The following ZCCHC7 variants were observed in gnomAD, a reference collection of about 807,000 sequenced individuals.
ZCCHC7 encodes zinc finger CCHC-type containing 7.
ZCCHC7 carries 35 observed loss-of-function variants against 52.0 expected under a neutral mutation model. That is an observed-to-expected ratio of 0.67 (90% CI 0.51 to 0.89). The LOEUF (loss-of-function observed/expected upper bound fraction) is 0.89, where lower values mean the gene tolerates loss of function less well. ZCCHC7 is among the 40% of genes least tolerant of loss of function. ZCCHC7 has a pLI of 0.00. For synonymous variants in ZCCHC7, 217 were observed against 221.5 expected (o/e 0.98, Z 0.18); for missense variants, 574 against 649.1 (o/e 0.88, Z 1.26).
At chr9:37,282,774 G>A (rs1236326982) in intron 2 of ZCCHC7, among the ~76,000 whole-genome samples, 1 of 151,144 alleles carries the variant, frequency 6.6e-6, no homozygotes, top group Admixed American at 6.6e-5. Flanking sequence ...GGAAGCATCA[G>A]TGAGCCATGT....
At chr9:37,275,243 T>C (rs1827625449) in intron 2 of ZCCHC7, among the ~76,000 whole-genome samples, 1 of 152,174 alleles carries the variant, frequency 6.6e-6, no homozygotes, top group East Asian at 1.9e-4. Context: ...TCCTGACTTT[T>C]GTGGCAGTAC....
intron 2 of ZCCHC7, among the ~76,000 whole-genome samples, chr9:37,222,186 A>G (rs1824848615): frequency 6.6e-6 from 1 of 151,980 alleles, no homozygotes; most frequent in South Asian, 2.1e-4. Context: ...ATTTGTCTGA[A>G]AAATTACTGG....
chr9:37,323,989 G>A (rs1321766819), intron 5 of ZCCHC7, among the ~76,000 whole-genome samples: 1 of 152,152 alleles, frequency 6.6e-6, no homozygotes, highest in Non-Finnish European at 1.5e-5. Context: ...TGTGCATATG[G>A]AACAGTTAAG....
chr9:37,143,413 TAG>T (rs1843313274), intron 2 of ZCCHC7, among the ~76,000 whole-genome samples: 1 of 151,876 alleles, frequency 6.6e-6, no homozygotes, highest in African/African-American at 2.4e-5. Context: ...GGCTCTGCAT[TAG>T]AGTTTTAAAT....
intron 2 of ZCCHC7, among the ~76,000 whole-genome samples, chr9:37,181,524 A>G (rs1026036098): frequency 6.6e-6 from 1 of 152,230 alleles, no homozygotes; most frequent in Non-Finnish European, 1.5e-5. Context: ...TTAAAATGGA[A>G]TATTATTCAG....
intron 2 of ZCCHC7, among the ~76,000 whole-genome samples, chr9:37,260,969 G>T (rs1180691717): frequency 6.6e-6 from 1 of 152,018 alleles, no homozygotes; most frequent in Non-Finnish European, 1.5e-5. Context: ...TATTATTTCT[G>T]ATCTTTTTTT....
Position 37,305,695 on chromosome 9 carries a change from T to A in ZCCHC7, c.932T>A (p.Met311Lys). The change falls in exon 5 of 9, where the codon ATG becomes AAG. Residue 311 changes from methionine (M) to lysine (K), a missense_variant. Met to Lys is a moderately conservative substitution (Grantham distance 95). Coordinates refer to ENST00000336755, the MANE Select transcript of ZCCHC7 (RefSeq NM_032226.3). ...GATAAACAGTGTGACCGATGTCATA[T>A]GCTAGGCCACTATACAGATGTGAGT... is the stretch of plus-strand genomic sequence containing the variant. ...SWDKQCDRCHMLGHYTDACTE... is the reference protein window; with the variant it reads ...SWDKQCDRCHKLGHYTDACTE... 3.7e-6 allele frequency: 6 copies of A among 1,614,162 alleles called. No individual in the cohort carries two copies. The highest frequency in any genetic ancestry group is 1.3e-5 in the African/African-American group (1 of 75,048).
chr9:37,300,013 C>T (rs979660521), intron 2 of ZCCHC7, among the ~76,000 whole-genome samples: 1 of 152,122 alleles, frequency 6.6e-6, no homozygotes, highest in Non-Finnish European at 1.5e-5. Context: ...ACAGGGCTGA[C>T]GGGAACTTGA....
intron 5 of ZCCHC7, among the ~76,000 whole-genome samples, chr9:37,307,317 A>G (rs977082550): frequency 2.0e-5 from 3 of 152,142 alleles, no homozygotes; most frequent in African/African-American, 7.2e-5. Flanking sequence ...AGTTTACCCT[A>G]ATTCCTAATG....
At chr9:37,178,352 C>T (rs936586182) in intron 2 of ZCCHC7, among the ~76,000 whole-genome samples, 2 of 148,774 alleles carry the variant, frequency 1.3e-5, no homozygotes, top group African/African-American at 5.0e-5. Flanking sequence ...ACCATTTGTA[C>T]CCCCACCTCC....
At chr9:37,293,525 T>A (rs1324429336) in intron 2 of ZCCHC7, among the ~76,000 whole-genome samples, 1 of 152,144 alleles carries the variant, frequency 6.6e-6, no homozygotes, top group Admixed American at 6.5e-5. Flanking sequence ...ATTTTACAGA[T>A]ATTGTAAATA....
At position 37,256,519 on chromosome 9, in the gene ZCCHC7, A is replaced by C. The variant is rs1041552668; in HGVS notation, c.611-45669A>C. On this transcript the variant is annotated intron_variant, in intron 2 of 8. Coordinates refer to ENST00000336755, the MANE Select transcript of ZCCHC7 (RefSeq NM_032226.3). ...ATAATATTCTATATGTTATTTCTACATGCCTGTAGTTTTTTTAAAAAGCTA... is the reference window on the plus strand; with the variant it reads ...ATAATATTCTATATGTTATTTCTACCTGCCTGTAGTTTTTTTAAAAAGCTA... 2.0e-4 allele frequency among the ~76,000 whole-genome samples: 30 copies of C among 152,190 alleles called. 1 individual carries two copies. Among genetic ancestry groups the C allele is most frequent in the Admixed American group, 1.9e-3 (29 of 15,266 alleles).
At chr9:37,323,638 G>A (rs892611753) in intron 5 of ZCCHC7, among the ~76,000 whole-genome samples, 1 of 152,056 alleles carries the variant, frequency 6.6e-6, no homozygotes, top group African/African-American at 2.4e-5. Context: ...AGTATAATAA[G>A]CATTATTAAG....
chr9:37,337,207 A>T (rs1830711749), intron 6 of ZCCHC7, among the ~76,000 whole-genome samples: 1 of 152,238 alleles, frequency 6.6e-6, no homozygotes, highest in Non-Finnish European at 1.5e-5. Flanking sequence ...AACAGCACTA[A>T]AGAGTTTATC....
At chr9:37,189,357 T>C (rs1010171615) in intron 2 of ZCCHC7, among the ~76,000 whole-genome samples, 2 of 152,154 alleles carry the variant, frequency 1.3e-5, no homozygotes, top group African/African-American at 4.8e-5. Flanking sequence ...TGAGACCTTT[T>C]GTCTTGGTTT....
intron 5 of ZCCHC7, among the ~76,000 whole-genome samples, 191 bp downstream of exon 5, chr9:37,305,905 T>C (rs75792307): frequency 0.051 from 7,686 of 152,034 alleles, 637 homozygotes; most frequent in African/African-American, 0.17. Context: ...CTAAATAATA[T>C]AGGGGTAAGG....
chr9:37,125,721 C>T (rs897536470), intron 1 of ZCCHC7, among the ~76,000 whole-genome samples: 8 of 152,248 alleles, frequency 5.3e-5, no homozygotes, highest in African/African-American at 1.4e-4. Flanking sequence ...TTGTATCCTG[C>T]GGTAGATCTC....
intron 6 of ZCCHC7, among the ~76,000 whole-genome samples, chr9:37,333,671 TAGAA>T: frequency 6.6e-6 from 1 of 151,788 alleles, no homozygotes; most frequent in East Asian, 1.9e-4. Flanking sequence ...CAGCATTACT[TAGAA>T]AGGAATTATA....
At chr9:37,252,731 T>A (rs1411146035) in intron 2 of ZCCHC7, among the ~76,000 whole-genome samples, 1 of 152,186 alleles carries the variant, frequency 6.6e-6, no homozygotes, top group Non-Finnish European at 1.5e-5. Flanking sequence ...GAGCTGATTT[T>A]GACTTAATAC....
Sources: gnomAD v4.1 joint callset for allele counts (sites outside exome capture counted in the v4.1 genomes callset) on GRCh38, gnomAD v4.1.1 for gene constraint, MANE v1.5 for transcripts, NCBI Gene and HGNC (gene_info 2026-07-23, HGNC 2026-07-21) for gene names.